The following EFCAB6 variants were observed in gnomAD, a reference collection of about 807,000 sequenced individuals.
EFCAB6 encodes EF-hand calcium-binding domain-containing protein 6.
A neutral mutation model predicts 169.8 loss-of-function variants in EFCAB6; 156 were observed. That is an observed-to-expected ratio of 0.92 (90% CI 0.81 to 1.05). The LOEUF (loss-of-function observed/expected upper bound fraction) is 1.05. Among genes scored for constraint, EFCAB6 ranks in the 50% least tolerant of loss-of-function variants. EFCAB6 has a pLI of 0.00. For missense variants in EFCAB6, 1,800 were observed against 1,829.1 expected (o/e 0.98, Z 0.29); for synonymous variants, 698 against 676.4 (o/e 1.03, Z -0.50).
intron 15 of EFCAB6, among the ~76,000 whole-genome samples, chr22:43,670,766 T>C (rs948960026): frequency 1.3e-5 from 2 of 152,164 alleles, no homozygotes; most frequent in Admixed American, 6.5e-5. Context: ...GACTGTTCAC[T>C]TGGAACAGAA....
At position 43,537,619 on chromosome 22, in the gene EFCAB6, C is replaced by A; in HGVS notation, c.3880-74G>T. ...GAAGTCATCAAAAATACCTCAATACCTCCAGTTTTGAGGTTCACAATTTTA... is the reference window on the plus strand; with the variant it reads ...GAAGTCATCAAAAATACCTCAATACATCCAGTTTTGAGGTTCACAATTTTA... On this transcript the variant is annotated intron_variant, in intron 28 of 31. Coordinates refer to ENST00000262726, the MANE Select transcript of EFCAB6 (RefSeq NM_022785.4). The surrounding 1 kb of genome is among the most constrained non-coding windows in gnomAD (Gnocchi z 4.3). The A allele has an allele frequency of 6.7e-7, 1 of 1,484,478 alleles. No individual in the cohort carries two copies. Among genetic ancestry groups the A allele is most frequent in the African/African-American group, 1.4e-5 (1 of 71,276 alleles). 92.0% of individuals were successfully genotyped at this position (1,484,478 alleles called of 1,614,324 possible). A position where few individuals can be genotyped will look rare whatever the true frequency, so the allele number is the denominator to read the frequency against.
At chr22:43,784,448 C>A in intron 2 of EFCAB6, among the ~76,000 whole-genome samples, 1 of 137,338 alleles carries the variant, frequency 7.3e-6, no homozygotes, top group East Asian at 2.2e-4. Flanking sequence ...GCCAGGAGAT[C>A]AAGACCACCC....
chr22:43,781,896 C>T (rs1010228449), intron 3 of EFCAB6, among the ~76,000 whole-genome samples: 13 of 152,130 alleles, frequency 8.5e-5, no homozygotes, highest in Non-Finnish European at 1.3e-4. Flanking sequence ...TACTAATTTA[C>T]TGAGTGAGTT....
chr22:43,787,424 C>G (rs1248030665), intron 2 of EFCAB6, among the ~76,000 whole-genome samples: 1 of 151,104 alleles, frequency 6.6e-6, no homozygotes, highest in African/African-American at 2.4e-5. Context: ...TTGTAGGATA[C>G]AAGATCAATA....
At chr22:43,581,152 G>A (rs1307614237) in intron 24 of EFCAB6, among the ~76,000 whole-genome samples, 1 of 152,142 alleles carries the variant, frequency 6.6e-6, no homozygotes, top group Non-Finnish European at 1.5e-5. Flanking sequence ...AGTCTGGATG[G>A]GGGGCTCCTG....
intron 9 of EFCAB6, among the ~76,000 whole-genome samples, chr22:43,712,671 G>T (rs1169585234): frequency 6.6e-6 from 1 of 152,118 alleles, no homozygotes; most frequent in Non-Finnish European, 1.5e-5. Context: ...ACACTGCCTG[G>T]GGGAAGACTT....
At chr22:43,623,772 T>G (rs1439555599) in intron 20 of EFCAB6, among the ~76,000 whole-genome samples, 5 of 146,426 alleles carry the variant, frequency 3.4e-5, no homozygotes, top group African/African-American at 5.0e-5. Context: ...AGCCGGGCAT[T>G]GTGGTGGGCG....
At chr22:43,626,105 A>G (rs997429007) in intron 20 of EFCAB6, among the ~76,000 whole-genome samples, 4 of 152,226 alleles carry the variant, frequency 2.6e-5, no homozygotes, top group African/African-American at 9.7e-5. Context: ...ACATGAATAT[A>G]TATGTAAGTA....
At chr22:43,649,719 GAA>G (rs751007912) in intron 17 of EFCAB6, among the ~76,000 whole-genome samples, 3 of 152,118 alleles carry the variant, frequency 2.0e-5, no homozygotes, top group Non-Finnish European at 4.4e-5. Context: ...GAAAAAGACA[GAA>G]AAAATGCATC....
intron 10 of EFCAB6, among the ~76,000 whole-genome samples, chr22:43,710,635 G>A (rs2059126235): frequency 6.6e-6 from 1 of 152,148 alleles, no homozygotes; most frequent in Non-Finnish European, 1.5e-5. Context: ...CAACCAGTAA[G>A]AGAAGAAGAA....
At chr22:43,714,532 G>GA (rs11412286) in intron 9 of EFCAB6, among the ~76,000 whole-genome samples, 111,068 of 146,370 alleles carry the variant, frequency 0.76, 41,922 homozygotes, top group East Asian at 0.86. Context: ...CAAGGATCAA[G>GA]AAAAAAAAAA....
chr22:43,623,226 ACTAT>A (rs2054230149), intron 20 of EFCAB6, among the ~76,000 whole-genome samples: 1 of 152,220 alleles, frequency 6.6e-6, no homozygotes, highest in Non-Finnish European at 1.5e-5. Context: ...TTGGTGATGG[ACTAT>A]CTAATTTTGC....
intron 18 of EFCAB6, among the ~76,000 whole-genome samples, 179 bp from the exon 19 acceptor site, chr22:43,632,417 A>T (rs2055043531): frequency 6.7e-6 from 1 of 149,518 alleles, no homozygotes. Flanking sequence ...CTCCTGCCTC[A>T]GCCTCCTGAG....
intron 17 of EFCAB6, among the ~76,000 whole-genome samples, chr22:43,660,831 G>A (rs2056967442): frequency 6.6e-6 from 1 of 152,198 alleles, no homozygotes; most frequent in Non-Finnish European, 1.5e-5. Context: ...CAACCAGGGT[G>A]TCTGATGACA....
At position 43,626,399 on chromosome 22, in the gene EFCAB6, G is replaced by A. The variant is rs771038483; in HGVS notation, c.2465+48C>T. On this transcript the variant is annotated intron_variant, in intron 20 of 31. Transcript: ENST00000262726. ...CATGGAAATGCTGGACGTCACAGTG[G>A]CACGGGCCGGCATATATTAAAGACA... The A allele has an allele frequency of 1.6e-5, 25 of 1,560,702 alleles. No individual in the cohort carries two copies. The South Asian group carries it at 2.7e-4, about 17-fold the overall frequency.
At chr22:43,637,377 G>A (rs954632247) in intron 17 of EFCAB6, among the ~76,000 whole-genome samples, 2 of 152,206 alleles carry the variant, frequency 1.3e-5, no homozygotes, top group Non-Finnish European at 2.9e-5. Flanking sequence ...TTTGGTATTC[G>A]GGAAGAGGAC....
At chr22:43,639,286 T>C (rs1438276425) in intron 17 of EFCAB6, among the ~76,000 whole-genome samples, 3 of 152,224 alleles carry the variant, frequency 2.0e-5, no homozygotes, top group Non-Finnish European at 4.4e-5. Context: ...TCCTGAGAAC[T>C]TCTTTTAGCC....
intron 8 of EFCAB6, among the ~76,000 whole-genome samples, chr22:43,724,098 T>G (rs2059634179): frequency 6.6e-6 from 1 of 152,222 alleles, no homozygotes; most frequent in South Asian, 2.1e-4. Context: ...GTCATCCTTT[T>G]GCTTCCAAAT....
intron 3 of EFCAB6, among the ~76,000 whole-genome samples, chr22:43,777,996 CAAT>C (rs2061694088): frequency 6.6e-6 from 1 of 152,092 alleles, no homozygotes; most frequent in South Asian, 2.1e-4. Flanking sequence ...GTCACCCTAA[CAAT>C]GAGAACAAGT....
Sources: gnomAD v4.1 joint callset for allele counts (sites outside exome capture counted in the v4.1 genomes callset) on GRCh38, gnomAD v4.1.1 for gene constraint, Gnocchi (gnomAD v3.1) non-coding constraint, MANE v1.5 for transcripts, NCBI Gene and HGNC (gene_info 2026-07-23, HGNC 2026-07-21) for gene names.